Variants in PRKCB observed in about 807,000 individuals in gnomAD.
The protein encoded by PRKCB is protein kinase C beta.
PRKCB carries 13 observed loss-of-function variants against 81.5 expected under a neutral mutation model. That is an observed-to-expected ratio of 0.16 (90% CI 0.10 to 0.25). PRKCB has a LOEUF of 0.25. PRKCB is among the 10% of genes least tolerant of loss of function. PRKCB has a pLI of 1.00. For synonymous variants in PRKCB, 335 were observed against 321.4 expected (o/e 1.04, Z -0.45); for missense variants, 509 against 875.7 (o/e 0.58, Z 5.29).
intron 3 of PRKCB, among the ~76,000 whole-genome samples, chr16:24,024,746 G>C (rs1326516352): frequency 6.6e-6 from 1 of 152,204 alleles, no homozygotes; most frequent in East Asian, 1.9e-4. Context: ...CCAGTCAGCT[G>C]TGTTCAGGGA....
intron 2 of PRKCB, among the ~76,000 whole-genome samples, chr16:23,862,922 A>C (rs1033962907): frequency 1.3e-5 from 2 of 151,362 alleles, no homozygotes; most frequent in African/African-American, 4.9e-5. Context: ...GTGTCCAGCT[A>C]TCCCGATATC....
At chr16:24,114,046 G>C (rs888742029) in intron 8 of PRKCB, among the ~76,000 whole-genome samples, 21 of 151,446 alleles carry the variant, frequency 1.4e-4, no homozygotes, top group Admixed American at 1.2e-3. Context: ...GTTAAACCCA[G>C]TCTCTACTAA....
At chr16:24,027,161 C>T (rs1369261276) in intron 3 of PRKCB, among the ~76,000 whole-genome samples, 1 of 152,122 alleles carries the variant, frequency 6.6e-6, no homozygotes, top group Non-Finnish European at 1.5e-5. Context: ...CACCCCCCGA[C>T]AGGTCCAGGT....
chr16:24,152,625 T>A (rs936931580), intron 9 of PRKCB, among the ~76,000 whole-genome samples: 9 of 152,154 alleles, frequency 5.9e-5, no homozygotes, highest in Non-Finnish European at 7.4e-5. Flanking sequence ...GAGCAGGAAG[T>A]CCCTGTCTCC....
chr16:24,068,963 A>G (rs1966074818), intron 5 of PRKCB, among the ~76,000 whole-genome samples: 1 of 152,256 alleles, frequency 6.6e-6, no homozygotes, highest in Non-Finnish European at 1.5e-5. Flanking sequence ...GCCAATAATA[A>G]CAAAGTAGCA....
chr16:23,879,482 C>CTTT (rs546638229), intron 2 of PRKCB, among the ~76,000 whole-genome samples: 1 of 83,198 alleles, frequency 1.2e-5, no homozygotes, highest in Admixed American at 1.5e-4. Context: ...TTTAGCTATC[C>CTTT]TTTTTTTTTT....
intron 3 of PRKCB, among the ~76,000 whole-genome samples, chr16:24,013,536 G>A (rs943540352): frequency 2.0e-5 from 3 of 152,170 alleles, no homozygotes; most frequent in South Asian, 2.1e-4. Flanking sequence ...TTCATAATAT[G>A]TAAGGCGCTT....
Position 24,061,910 on chromosome 16 carries a change from T to TAAAAA in PRKCB, c.529+26382_529+26386dup, listed in dbSNP as rs1210402981. Reference sequence around the variant, plus strand: ...CCACTCCCCCTGCACCTTAAATAAATAAAAAAAAAAAAAAAAAAAAAAACT... The same window carrying TAAAAA: ...CCACTCCCCCTGCACCTTAAATAAATAAAAAAAAAAAAAAAAAAAAAAAAAAAACT... On this transcript the variant is annotated intron_variant, in intron 5 of 16. Coordinates refer to ENST00000643927, the MANE Select transcript of PRKCB (RefSeq NM_002738.7). 9.3e-4 allele frequency among the ~76,000 whole-genome samples: 87 copies of TAAAAA among 93,712 alleles called. 1 individual carries two copies. Among genetic ancestry groups the TAAAAA allele is most frequent in the African/African-American group, 2.3e-3 (62 of 26,802 alleles). The allele number at this position is 93,712 out of a possible 152,430, so 61.5% of individuals were successfully genotyped here.
chr16:23,892,413 T>C (rs1296954594), intron 2 of PRKCB, among the ~76,000 whole-genome samples: 1 of 152,260 alleles, frequency 6.6e-6, no homozygotes. Flanking sequence ...GCTTTAATTC[T>C]TACTTCAGTG....
chr16:23,882,001 TCTTTCTTTCTTTCTTTCTTTCTTC>T (rs1402463844), intron 2 of PRKCB, among the ~76,000 whole-genome samples: 30 of 80,664 alleles, frequency 3.7e-4, no homozygotes, highest in African/African-American at 9.9e-4. Flanking sequence ...TTTCTTTCTT[TCTTTCTTTCTTTCTTTCTTTCTTC>T]CTTCCTTCCT....
chr16:23,905,988 C>T (rs1174533877), intron 2 of PRKCB, among the ~76,000 whole-genome samples: 1 of 152,124 alleles, frequency 6.6e-6, no homozygotes, highest in East Asian at 1.9e-4. Flanking sequence ...TGTTGAGAGT[C>T]TTTAGCTATT....
chr16:24,184,639 T>C (rs1967675620), intron 13 of PRKCB, among the ~76,000 whole-genome samples: 1 of 152,188 alleles, frequency 6.6e-6, no homozygotes, highest in Non-Finnish European at 1.5e-5. Context: ...TGTTATTATC[T>C]CAGCTGAGCT....
intron 2 of PRKCB, among the ~76,000 whole-genome samples, chr16:23,887,828 T>TTATAA (rs149346087): frequency 6.6e-6 from 1 of 152,082 alleles, no homozygotes; most frequent in Non-Finnish European, 1.5e-5. Context: ...TGTAAGAGCG[T>TTATAA]CCTTTTTTCT....
At chr16:24,074,430 ACACT>A (rs926676776) in intron 5 of PRKCB, among the ~76,000 whole-genome samples, 8 of 152,208 alleles carry the variant, frequency 5.3e-5, no homozygotes, top group Non-Finnish European at 7.3e-5. Flanking sequence ...GAAAACAGTA[ACACT>A]CACATCATAA....
At chr16:24,118,892 C>T (rs1048743073) in intron 8 of PRKCB, among the ~76,000 whole-genome samples, 12 of 152,224 alleles carry the variant, frequency 7.9e-5, no homozygotes, top group South Asian at 4.2e-4. Flanking sequence ...GGACAGGGCT[C>T]CTGTCCTCTG....
intron 16 of PRKCB, among the ~76,000 whole-genome samples, chr16:24,206,017 G>A (rs148922397): frequency 6.6e-6 from 1 of 152,220 alleles, no homozygotes; most frequent in East Asian, 1.9e-4. Flanking sequence ...ATTTTTTAAT[G>A]AAAATTAAGA....
At chr16:23,881,287 C>G (rs1963102927) in intron 2 of PRKCB, among the ~76,000 whole-genome samples, 1 of 143,826 alleles carries the variant, frequency 7.0e-6, no homozygotes, top group East Asian at 2.0e-4. Flanking sequence ...GAGTCTCGCT[C>G]TGTTGCCCAG....
Position 24,185,521 on chromosome 16 carries a change from C to T in PRKCB, c.1676C>T (p.Ala559Val). 1 of 1,614,130 alleles carries T rather than the reference C, an allele frequency of 6.2e-7. No individual in the cohort carries two copies. Among genetic ancestry groups the T allele is most frequent in the African/African-American group, 1.3e-5 (1 of 75,032 alleles). The change falls in exon 15 of 17, where the codon GCC (alanine) becomes GTC (valine). Residue 559 changes from alanine to valine, a missense_variant. Physicochemically the swap from Ala to Val is moderately conservative, Grantham distance 64 (BLOSUM62 0). This residue lies in a region of PRKCB where 104 missense variants were observed against 160.5 expected (regional missense o/e 0.65). Coordinates refer to ENST00000643927, the MANE Select transcript of PRKCB (RefSeq NM_002738.7). ...CAATCCATCATGGAACACAACGTAG[C>T]CTATCCCAAGTCTATGTCCAAGGAA... Reference protein sequence around the residue: ...LFQSIMEHNVAYPKSMSKEAV... With the variant: ...LFQSIMEHNVVYPKSMSKEAV...
At chr16:24,063,707 A>G (rs965067459) in intron 5 of PRKCB, among the ~76,000 whole-genome samples, 2 of 152,184 alleles carry the variant, frequency 1.3e-5, no homozygotes, top group Non-Finnish European at 2.9e-5. Context: ...AGTAGCCTGC[A>G]TGAATGCTGC....
Sources: gnomAD v4.1 joint callset for allele counts (sites outside exome capture counted in the v4.1 genomes callset) on GRCh38, gnomAD v4.1.1 for gene constraint, gnomAD v4.1.1 regional missense constraint, MANE v1.5 for transcripts, NCBI Gene and HGNC (gene_info 2026-07-23, HGNC 2026-07-21) for gene names.